STARD13: variants seen among roughly 807,000 people sequenced by gnomAD.
STARD13 encodes StAR related lipid transfer domain containing 13.
In STARD13, 62 loss-of-function variants were observed where a neutral mutation model predicts 106.4. The ratio of observed to expected loss-of-function variants is 0.58; its 90% CI spans 0.48 to 0.72. STARD13 has a LOEUF of 0.72. Ranked by LOEUF, STARD13 falls within the 30% of genes least tolerant of loss-of-function variation. The pLI is 0.00. For missense variants in STARD13, 1,387 were observed against 1,424.0 expected, an observed-to-expected ratio of 0.97 and a Z score of 0.42; for synonymous variants, 565 against 553.0, an observed-to-expected ratio of 1.02 and a Z score of -0.31.
At chr13:33,397,058 A>G in the STARD13 span, among the ~76,000 whole-genome samples, 2 of 152,332 alleles carry the variant, frequency 1.3e-5, 1 homozygote, top group South Asian at 4.1e-4. Flanking sequence ...ACAAGAAGCT[A>G]CAGAGATCTG....
chr13:33,560,505 T>A, the STARD13 span, among the ~76,000 whole-genome samples: 1 of 151,352 alleles, frequency 6.6e-6, no homozygotes, highest in East Asian at 1.9e-4. Flanking sequence ...CACCTCAAAA[T>A]CTAGACAGTA....
chr13:33,307,646 G>T (rs958498249), intron 1 of STARD13, among the ~76,000 whole-genome samples: 1 of 152,038 alleles, frequency 6.6e-6, no homozygotes, highest in Admixed American at 6.6e-5. Flanking sequence ...CAACACACCG[G>T]GGCCTGTCAG....
At chr13:33,580,271 G>A in the STARD13 span, among the ~76,000 whole-genome samples, 1 of 151,802 alleles carries the variant, frequency 6.6e-6, no homozygotes, top group Non-Finnish European at 1.5e-5. Context: ...AATACATACT[G>A]CCGAGTGAAA....
the STARD13 span, among the ~76,000 whole-genome samples, chr13:33,495,707 T>C: frequency 6.6e-6 from 1 of 151,436 alleles, no homozygotes; most frequent in Non-Finnish European, 1.5e-5. Context: ...ATGCCTCTTT[T>C]ATAATGGATG....
intron 1 of STARD13, among the ~76,000 whole-genome samples, chr13:33,298,089 T>A (rs1399656397): frequency 6.6e-6 from 1 of 151,118 alleles, no homozygotes; most frequent in East Asian, 2.0e-4. Flanking sequence ...TACTTGTGTC[T>A]CTATGTCTAG....
At chr13:33,382,133 A>G in the STARD13 span, among the ~76,000 whole-genome samples, 1 of 152,252 alleles carries the variant, frequency 6.6e-6, no homozygotes, top group African/African-American at 2.4e-5. Flanking sequence ...TGAGTCATGC[A>G]GAATTGAATG....
chr13:33,560,185 C>T, the STARD13 span, among the ~76,000 whole-genome samples: 49 of 151,482 alleles, frequency 3.2e-4, 1 homozygote, highest in African/African-American at 1.1e-3. Context: ...ATAGCTACCC[C>T]ACACTATTGT....
intron 1 of STARD13, among the ~76,000 whole-genome samples, chr13:33,229,247 A>C (rs944137450): frequency 6.6e-6 from 1 of 152,248 alleles, no homozygotes; most frequent in Non-Finnish European, 1.5e-5. Flanking sequence ...GACTTCCTAA[A>C]TAGCGACTCC....
At chr13:33,117,598 AC>A in intron 8 of STARD13, 2 of 978,032 alleles carry the variant, frequency 2.0e-6, no homozygotes, top group Non-Finnish European at 2.4e-6. Context: ...TGGTTTGCTT[AC>A]TTTTCACCAA....
At chr13:33,181,588 C>A (rs934573851) in intron 1 of STARD13, among the ~76,000 whole-genome samples, 2 of 152,196 alleles carry the variant, frequency 1.3e-5, no homozygotes, top group Non-Finnish European at 2.9e-5. Context: ...TCCAAACTCA[C>A]AAGGCTGTTG....
chr13:33,152,707 TA>T (rs1011031245), intron 3 of STARD13, among the ~76,000 whole-genome samples: 3 of 152,036 alleles, frequency 2.0e-5, no homozygotes, highest in Admixed American at 6.5e-5. Flanking sequence ...CTCTGCCTAA[TA>T]AAAAAAATCC....
At chr13:33,324,529 C>T (rs370952247) in intron 1 of STARD13, among the ~76,000 whole-genome samples, 4 of 152,168 alleles carry the variant, frequency 2.6e-5, no homozygotes, top group African/African-American at 9.7e-5. Context: ...AGAGTTTGAG[C>T]TTCAAAGTCA....
chr13:33,269,883 A>T (rs924359187), intron 1 of STARD13, among the ~76,000 whole-genome samples: 1 of 152,344 alleles, frequency 6.6e-6, no homozygotes, highest in Admixed American at 6.5e-5. Flanking sequence ...TATATAAAAA[A>T]TATTTAAAGT....
intron 1 of STARD13, among the ~76,000 whole-genome samples, chr13:33,183,320 A>G (rs1374821569): frequency 6.6e-6 from 1 of 152,188 alleles, no homozygotes; most frequent in African/African-American, 2.4e-5. Flanking sequence ...GCTGAGAGTG[A>G]CTTTCTTGCT....
chr13:33,321,392 G>C (rs1185158144), intron 1 of STARD13, among the ~76,000 whole-genome samples: 1 of 151,862 alleles, frequency 6.6e-6, no homozygotes, highest in Non-Finnish European at 1.5e-5. Flanking sequence ...TGTAATCCCA[G>C]CTACTCAGAA....
At chr13:33,221,990 A>G (rs1188958569) in intron 1 of STARD13, among the ~76,000 whole-genome samples, 1 of 152,080 alleles carries the variant, frequency 6.6e-6, no homozygotes, top group Admixed American at 6.6e-5. Context: ...CTCAACTAAA[A>G]ATATAAAAAT....
intron 1 of STARD13, among the ~76,000 whole-genome samples, chr13:33,274,222 T>C (rs1462626835): frequency 6.6e-6 from 1 of 152,146 alleles, no homozygotes; most frequent in African/African-American, 2.4e-5. Flanking sequence ...TGTGAGTATA[T>C]TTGAAGATAG....
intron 1 of STARD13, among the ~76,000 whole-genome samples, chr13:33,323,993 GA>G (rs1323385933): frequency 6.6e-6 from 1 of 151,872 alleles, no homozygotes; most frequent in East Asian, 1.9e-4. Flanking sequence ...GAGAGGTTAA[GA>G]AAAAAAATGC....
At chr13:33,592,017 G>C in the STARD13 span, among the ~76,000 whole-genome samples, 1 of 152,114 alleles carries the variant, frequency 6.6e-6, no homozygotes, top group African/African-American at 2.4e-5. Flanking sequence ...AGATCTGTTG[G>C]CAACCTGCTT....
Sources: gnomAD v4.1 joint callset for allele counts (sites outside exome capture counted in the v4.1 genomes callset) on GRCh38, gnomAD v4.1.1 for gene constraint, MANE v1.5 for transcripts, NCBI Gene and HGNC (gene_info 2026-07-23, HGNC 2026-07-21) for gene names.